AFG1L: variants seen among roughly 807,000 people sequenced by gnomAD.
The protein encoded by AFG1L is AFG1-like ATPase.
Under a neutral mutation model 62.2 loss-of-function variants are expected in AFG1L, and 53 were observed. The ratio of observed to expected loss-of-function variants is 0.85; its 90% CI spans 0.68 to 1.07. The LOEUF (loss-of-function observed/expected upper bound fraction) is 1.07, where lower values mean the gene tolerates loss of function less well. Among genes scored for constraint, AFG1L ranks in the 50% least tolerant of loss-of-function variants. The probability of loss-of-function intolerance (pLI) is 0.00; values close to 1 mark genes in which losing one functional copy is unlikely to be tolerated. For synonymous variants in AFG1L, 228 were observed against 210.3 expected (o/e 1.08, Z -0.73); for missense variants, 555 against 590.5 (o/e 0.94, Z 0.62).
At chr6:108,513,515 G>T (rs1226309046) in intron 11 of AFG1L, among the ~76,000 whole-genome samples, 1 of 152,176 alleles carries the variant, frequency 6.6e-6, no homozygotes, top group Non-Finnish European at 1.5e-5. Flanking sequence ...CTCGCTCATT[G>T]CTAGCATAGC....
At chr6:108,504,399 G>A (rs1774318835) in intron 10 of AFG1L, among the ~76,000 whole-genome samples, 1 of 152,166 alleles carries the variant, frequency 6.6e-6, no homozygotes, top group Non-Finnish European at 1.5e-5. Flanking sequence ...AAGAGAGGGA[G>A]AAAGATGGGG....
rs1313779615 is a variant in AFG1L at position 108,476,680 on chromosome 6, A to C, written c.891-185A>C. ...GTCTTTCAGTGTATGCAAATAAGGC[A>C]GAATCATCTACCTGAGAGTTAATAT... On this transcript the variant is annotated intron_variant, in intron 8 of 12. Transcript: ENST00000368977. Among the ~76,000 whole-genome samples, 4 of 152,246 alleles carry C rather than the reference A, an allele frequency of 2.6e-5. No homozygotes were observed. In the East Asian group the frequency reaches 5.8e-4, roughly 22 times the overall value.
At chr6:108,430,207 A>G (rs1306052900) in intron 7 of AFG1L, among the ~76,000 whole-genome samples, 1 of 152,158 alleles carries the variant, frequency 6.6e-6, no homozygotes, top group Admixed American at 6.5e-5. Context: ...CTTGGCCTCT[A>G]AAGTGCTAAA....
At chr6:108,514,320 A>G (rs1288517177) in intron 11 of AFG1L, among the ~76,000 whole-genome samples, 4 of 152,254 alleles carry the variant, frequency 2.6e-5, no homozygotes, top group Admixed American at 2.6e-4. Context: ...ACTACAAGCC[A>G]GAAGAGAGTG....
chr6:108,485,933 A>G (rs1773555849), intron 10 of AFG1L, among the ~76,000 whole-genome samples: 1 of 151,484 alleles, frequency 6.6e-6, no homozygotes, highest in Admixed American at 6.6e-5. Flanking sequence ...TTAACCTTCC[A>G]AAGTGCTGGG....
At chr6:108,367,745 A>G (rs1779817732) in intron 6 of AFG1L, among the ~76,000 whole-genome samples, 2 of 152,210 alleles carry the variant, frequency 1.3e-5, no homozygotes, top group Admixed American at 1.3e-4. Flanking sequence ...TCAGTCCTCA[A>G]GGAGGCAGGA....
chr6:108,471,466 T>C (rs896742784), intron 8 of AFG1L, among the ~76,000 whole-genome samples: 7 of 108,246 alleles, frequency 6.5e-5, no homozygotes, highest in African/African-American at 2.7e-4. Context: ...CGTGTTCTTC[T>C]TCTTTTTTTT....
intron 1 of AFG1L, among the ~76,000 whole-genome samples, chr6:108,313,690 C>T (rs1483211311): frequency 6.6e-6 from 1 of 152,058 alleles, no homozygotes; most frequent in Non-Finnish European, 1.5e-5. Flanking sequence ...AAGGTGTGCA[C>T]CACCACACCT....
chr6:108,352,594 G>A (rs777494158), intron 3 of AFG1L, among the ~76,000 whole-genome samples: 4 of 152,106 alleles, frequency 2.6e-5, no homozygotes, highest in East Asian at 3.9e-4. Flanking sequence ...GCAGGGTCTC[G>A]CTCTGTCGCC....
At chr6:108,455,293 A>C (rs1772210456) in intron 8 of AFG1L, among the ~76,000 whole-genome samples, 1 of 152,196 alleles carries the variant, frequency 6.6e-6, no homozygotes, top group Admixed American at 6.5e-5. Context: ...GGGTGATTTT[A>C]CATTGGGGTT....
chr6:108,341,783 A>G (rs1361305310), intron 2 of AFG1L, among the ~76,000 whole-genome samples: 1 of 152,112 alleles, frequency 6.6e-6, no homozygotes, highest in Non-Finnish European at 1.5e-5. Context: ...TCAAAAGCCC[A>G]TTAGAGAAGG....
At chr6:108,300,062 T>A (rs1469310292) in intron 1 of AFG1L, among the ~76,000 whole-genome samples, 1 of 152,216 alleles carries the variant, frequency 6.6e-6, no homozygotes, top group Non-Finnish European at 1.5e-5. Flanking sequence ...ATAACAATAT[T>A]ATATTTTTAG....
intron 11 of AFG1L, among the ~76,000 whole-genome samples, chr6:108,513,555 G>A (rs1459435046): frequency 2.0e-5 from 3 of 152,200 alleles, no homozygotes; most frequent in East Asian, 1.9e-4. Flanking sequence ...AGGCGGCAGC[G>A]AGGATGGTGG....
intron 7 of AFG1L, among the ~76,000 whole-genome samples, chr6:108,445,633 T>TGAGAGAGAGAGAGAGAGAGAGA (rs59323063): frequency 3.8e-5 from 5 of 130,144 alleles, no homozygotes; most frequent in African/African-American, 1.4e-4. Flanking sequence ...ACACCTAAGG[T>TGAGAGAGAGAGAGAGAGAGAGA]GAGAGAGAGA....
At chr6:108,319,738 A>T (rs1314091491) in intron 1 of AFG1L, 1 of 413,176 alleles carries the variant, frequency 2.4e-6, no homozygotes, top group Admixed American at 2.6e-5. Flanking sequence ...CCTCCCAAGT[A>T]GCTGGGACTA....
At chr6:108,518,615 C>G (rs958841392) in intron 11 of AFG1L, among the ~76,000 whole-genome samples, 10 of 151,998 alleles carry the variant, frequency 6.6e-5, no homozygotes, top group East Asian at 3.9e-4. Context: ...CAAACCTGCA[C>G]GTTGTGCACA....
intron 8 of AFG1L, among the ~76,000 whole-genome samples, chr6:108,469,353 C>T (rs1582631260): frequency 6.6e-6 from 1 of 151,836 alleles, no homozygotes; most frequent in Middle Eastern, 3.4e-3. Context: ...GGATTTTATA[C>T]AACTCAAGGG....
chr6:108,338,089 G>C (rs1403972634), intron 2 of AFG1L, among the ~76,000 whole-genome samples: 3 of 152,146 alleles, frequency 2.0e-5, no homozygotes, highest in Admixed American at 6.6e-5. Flanking sequence ...GGGAGGCTAG[G>C]GTGGGAGGAT....
chr6:108,333,324 C>T (rs941743401), intron 2 of AFG1L, among the ~76,000 whole-genome samples: 73 of 151,916 alleles, frequency 4.8e-4, no homozygotes, highest in Non-Finnish European at 3.4e-4. Flanking sequence ...GCATGAGAAT[C>T]GCTTGAACTT....
Sources: allele counts gnomAD v4.1 joint callset (sites outside exome capture counted in the v4.1 genomes callset), GRCh38; gene constraint gnomAD v4.1.1; transcripts MANE v1.5; gene names NCBI Gene and HGNC (gene_info 2026-07-23, HGNC 2026-07-21).